ATP10B: variants seen among roughly 807,000 people sequenced by gnomAD.
ATP10B encodes the protein ATPase phospholipid transporting 10B (putative).
A neutral mutation model predicts 141.2 loss-of-function variants in ATP10B; 122 were observed. That is an observed-to-expected ratio of 0.86 (90% confidence interval 0.75 to 1.00). ATP10B has a LOEUF of 1.00. ATP10B is among the 50% of genes least tolerant of loss of function. The pLI is 0.00. For missense variants in ATP10B, 1,876 were observed against 1,825.3 expected (o/e 1.03, Z -0.51); for synonymous variants, 685 against 692.0 (o/e 0.99, Z 0.16).
the ATP10B span, among the ~76,000 whole-genome samples, chr5:160,874,144 C>A: frequency 7.2e-5 from 11 of 152,096 alleles, no homozygotes; most frequent in African/African-American, 2.2e-4. Flanking sequence ...TGTCTGACAG[C>A]TTTGAAGAGA....
At chr5:160,849,776 TC>T (rs1377427549) in intron 1 of ATP10B, among the ~76,000 whole-genome samples, 3 of 152,078 alleles carry the variant, frequency 2.0e-5, no homozygotes, top group Admixed American at 6.6e-5. Flanking sequence ...CCACTCCTAT[TC>T]TGACTACCCA....
At chr5:160,888,764 C>CACAA in the ATP10B span, among the ~76,000 whole-genome samples, 2 of 152,078 alleles carry the variant, frequency 1.3e-5, no homozygotes, top group Non-Finnish European at 2.9e-5. Flanking sequence ...TTCATGAGGC[C>CACAA]ACAAAATGGG....
At chr5:160,862,348 C>G in the ATP10B span, among the ~76,000 whole-genome samples, 3 of 151,990 alleles carry the variant, frequency 2.0e-5, no homozygotes, top group Non-Finnish European at 4.4e-5. Flanking sequence ...CTGTGGATAG[C>G]AGTGTTAGCT....
intron 1 of ATP10B, among the ~76,000 whole-genome samples, chr5:160,843,193 T>G (rs1041015973): frequency 1.3e-5 from 2 of 151,742 alleles, no homozygotes; most frequent in African/African-American, 4.8e-5. Flanking sequence ...CATAAAGAGG[T>G]TTAGAAAAAA....
At chr5:160,902,870 A>AG in the ATP10B span, among the ~76,000 whole-genome samples, 4 of 152,214 alleles carry the variant, frequency 2.6e-5, no homozygotes, top group Non-Finnish European at 5.9e-5. Context: ...AGATGACTAA[A>AG]GGGGTCCTCT....
chr5:160,859,533 A>G, the ATP10B span, among the ~76,000 whole-genome samples: 15 of 151,842 alleles, frequency 9.9e-5, no homozygotes, highest in African/African-American at 3.1e-4. Flanking sequence ...TGTCCTTTAA[A>G]TTTTAGATAA....
In ATP10B at chr5:160,686,823, G is replaced by T. The variant is rs948820501; in HGVS notation, c.276-550C>A. On this transcript the variant is annotated intron_variant, in intron 5 of 25. Coordinates refer to ENST00000327245, the MANE Select transcript of ATP10B (RefSeq NM_025153.3). ...ATATTTGCATGATATACAGCAGAGGGCTCTGGAGCATAGCAGTTGCTCAGT... is the reference window on the plus strand; with the variant it reads ...ATATTTGCATGATATACAGCAGAGGTCTCTGGAGCATAGCAGTTGCTCAGT... 4.0e-5 allele frequency: 16 copies of T among 398,234 alleles called. No individual in the cohort carries two copies. The South Asian group carries it at 1.5e-3, about 36-fold the overall frequency. 24.7% of individuals were successfully genotyped at this position (398,234 alleles called of 1,614,324 possible).
At position 160,827,713 on chromosome 5, in the gene ATP10B, C is replaced by T. The variant is rs138609142; in HGVS notation, c.-576+24228G>A. On this transcript the variant is annotated intron_variant, in intron 1 of 25. Transcript: ENST00000327245. ...CTAGGATTTTAATAGCTTGAGGTCT[C>T]AAATTTAAATCTTTAATCCATCTTA... is the stretch of plus-strand genomic sequence containing the variant. Among the ~76,000 whole-genome samples the T allele has an allele frequency of 6.0e-3, 914 of 152,194 alleles. 13 individuals are homozygous for T. Among genetic ancestry groups the T allele is most frequent in the African/African-American group, 0.021 (870 of 41,524 alleles).
chr5:160,909,341 G>T, the ATP10B span, among the ~76,000 whole-genome samples: 799 of 152,264 alleles, frequency 5.2e-3, 7 homozygotes, highest in African/African-American at 0.018. Flanking sequence ...GCAGCTGCTG[G>T]TGACTCCTTT....
the ATP10B span, among the ~76,000 whole-genome samples, chr5:160,873,669 G>A: frequency 1.3e-4 from 20 of 152,316 alleles, no homozygotes; most frequent in African/African-American, 4.3e-4. Context: ...GCAGGTCAGT[G>A]GGTGCACGCA....
intron 2 of ATP10B, among the ~76,000 whole-genome samples, chr5:160,783,560 G>GAC (rs1455992659): frequency 6.8e-5 from 3 of 44,324 alleles, no homozygotes; most frequent in African/African-American, 2.3e-4. Context: ...ATATATATAT[G>GAC]ATACACACAC....
At position 160,596,664 on chromosome 5, in the gene ATP10B, C is replaced by T. The variant is rs1411121921; in HGVS notation, c.3564+2106G>A. On this transcript the variant is annotated intron_variant, in intron 22 of 25. Transcript: ENST00000327245. ...AAACCCCATTGTCTCAGCCCAAAATCTCCTTAAGCTGATAAGCAACTTCAG... is the reference window on the plus strand; with the variant it reads ...AAACCCCATTGTCTCAGCCCAAAATTTCCTTAAGCTGATAAGCAACTTCAG... Among the ~76,000 whole-genome samples, 3 of 151,564 alleles carry T rather than the reference C, an allele frequency of 2.0e-5. No individual in the cohort carries two copies. In the East Asian group the frequency reaches 5.8e-4, roughly 29 times the overall value.
rs145340856 is a variant in ATP10B at position 160,697,527 on chromosome 5, T to C, written c.-204-8584A>G. ...TGCCTTATTCACAGGCTACAAAACATGTCCTATAATTAGGATGCCAGAAGC... is the reference window on the plus strand; with the variant it reads ...TGCCTTATTCACAGGCTACAAAACACGTCCTATAATTAGGATGCCAGAAGC... On this transcript the variant is annotated intron_variant, in intron 3 of 25. Coordinates refer to ENST00000327245, the MANE Select transcript of ATP10B (RefSeq NM_025153.3). 5.6e-3 allele frequency among the ~76,000 whole-genome samples: 851 copies of C among 151,652 alleles called. 9 individuals are homozygous for C. The highest frequency in any genetic ancestry group is 0.02 in the African/African-American group (817 of 41,300).
rs184379003 is a variant in ATP10B, at chr5:160,688,768, G to A, written c.-29C>T. ...ATTTTCCAGAAACTCACCTGTGGCC[G>A]GAACCTCAAAGGAGAGTGATAAGTA... On this transcript the variant is annotated 5_prime_UTR_variant, in exon 4 of 26. Coordinates refer to ENST00000327245, the MANE Select transcript of ATP10B (RefSeq NM_025153.3). 2.6e-5 allele frequency: 26 copies of A among 985,368 alleles called. No individual in the cohort carries two copies. Among genetic ancestry groups the A allele is most frequent in the Middle Eastern group, 5.2e-4 (1 of 1,914 alleles). The allele number at this position is 985,368 out of a possible 1,614,324, so 61.0% of individuals were successfully genotyped here. A position where few individuals can be genotyped will look rare whatever the true frequency, so the allele number is the denominator to read the frequency against.
the ATP10B span, among the ~76,000 whole-genome samples, chr5:160,912,605 G>T: frequency 7.9e-6 from 1 of 126,570 alleles, no homozygotes; most frequent in Non-Finnish European, 1.7e-5. Flanking sequence ...TCAAAGAAAA[G>T]AAAAGAGAAA....
chr5:160,839,084 C>T (rs1775655434), intron 1 of ATP10B, among the ~76,000 whole-genome samples: 1 of 152,112 alleles, frequency 6.6e-6, no homozygotes, highest in Admixed American at 6.6e-5. Flanking sequence ...CTTGTACAGC[C>T]TGCAGAACCA....
At chr5:160,570,989 GC>G (rs1245673138) in intron 24 of ATP10B, among the ~76,000 whole-genome samples, 1 of 152,102 alleles carries the variant, frequency 6.6e-6, no homozygotes, top group Non-Finnish European at 1.5e-5. Context: ...ATCTCTTAAA[GC>G]CTGCTTGCTT....
At position 160,719,106 on chromosome 5, in the gene ATP10B, T is replaced by G. The variant is rs145172149; in HGVS notation, c.-330-2072A>C. Among the ~76,000 whole-genome samples the G allele has an allele frequency of 6.0e-4, 92 of 152,210 alleles. 1 individual carries two copies. In the East Asian group the frequency reaches 0.017, roughly 28 times the overall value. On this transcript the variant is annotated intron_variant, in intron 2 of 25. Transcript: ENST00000327245. Reference sequence around the variant, plus strand: ...CAAAAGTAATTGGGGTTTTTACCATTAAAAGTAATGGCGGCCGGGCACGGT... The same window carrying G: ...CAAAAGTAATTGGGGTTTTTACCATGAAAAGTAATGGCGGCCGGGCACGGT...
At chr5:160,742,830 C>A (rs1011931821) in intron 2 of ATP10B, among the ~76,000 whole-genome samples, 1 of 151,930 alleles carries the variant, frequency 6.6e-6, no homozygotes, top group Non-Finnish European at 1.5e-5. Context: ...TGGCTGGTGA[C>A]CTTAGAGTGA....
Sources: allele counts gnomAD v4.1 joint callset (sites outside exome capture counted in the v4.1 genomes callset), GRCh38; gene constraint gnomAD v4.1.1; transcripts MANE v1.5; gene names NCBI Gene and HGNC (gene_info 2026-07-23, HGNC 2026-07-21).